The following ZFHX3 variants were observed in gnomAD, a reference collection of about 807,000 sequenced individuals.
ZFHX3 encodes the protein zinc finger homeobox 3.
ZFHX3 carries 42 observed loss-of-function variants against 279.1 expected under a neutral mutation model. The ratio of observed to expected loss-of-function variants is 0.15; its 90% CI spans 0.12 to 0.19. The LOEUF (loss-of-function observed/expected upper bound fraction) is 0.19. ZFHX3 is among the 10% of genes least tolerant of loss of function. ZFHX3 has a pLI of 1.00. For synonymous variants in ZFHX3, 2,293 were observed against 1,957.8 expected (o/e 1.17, Z -4.52); for missense variants, 4,981 against 4,754.0 (o/e 1.05, Z -1.40).
At chr16:73,070,421 A>AT (rs567579140) in intron 8 of ZFHX3, among the ~76,000 whole-genome samples, 10 of 151,458 alleles carry the variant, frequency 6.6e-5, no homozygotes, top group Non-Finnish European at 1.0e-4. Context: ...CACCTCTATT[A>AT]TTTTTTTTTA....
chr16:73,653,427 AC>A (rs1178246186), intron 2 of ZFHX3, among the ~76,000 whole-genome samples: 1 of 152,212 alleles, frequency 6.6e-6, no homozygotes, highest in Non-Finnish European at 1.5e-5. Context: ...AAATCATTAA[AC>A]AAAAATAAAA....
intron 1 of ZFHX3, among the ~76,000 whole-genome samples, chr16:73,740,838 G>C (rs567803712): frequency 6.6e-6 from 1 of 152,244 alleles, no homozygotes; most frequent in Admixed American, 6.5e-5. Flanking sequence ...GAATGCAAGA[G>C]AGTTGAAAAG....
At chr16:73,595,117 G>A (rs1259967842) in intron 2 of ZFHX3, among the ~76,000 whole-genome samples, 4 of 152,118 alleles carry the variant, frequency 2.6e-5, no homozygotes, top group Non-Finnish European at 4.4e-5. Flanking sequence ...GAGTAATGGA[G>A]CTCATTATCT....
chr16:73,004,401 T>C lies in ZFHX3; in HGVS notation c.-50+43351A>G, dbSNP rs1413838720. Among the ~76,000 whole-genome samples, 5 of 139,854 alleles carry C rather than the reference T, an allele frequency of 3.6e-5. No individual in the cohort carries two copies. The Admixed American group carries it at 4.0e-4, about 11-fold the overall frequency. 91.7% of individuals were successfully genotyped at this position (139,854 alleles called of 152,430 possible). ...TGGAGCACAGTGGTGCAATCTCGGC[T>C]CACTGCAACCTCTGCCTTTTGGTTT... On this transcript the variant is annotated intron_variant, in intron 1 of 9. Transcript: ENST00000268489.
intron 2 of ZFHX3, among the ~76,000 whole-genome samples, chr16:73,635,295 T>C (rs1233204157): frequency 6.6e-6 from 1 of 152,226 alleles, no homozygotes; most frequent in Non-Finnish European, 1.5e-5. Flanking sequence ...AATTACTGCA[T>C]ACTTCACTGA....
At chr16:72,802,751 A>G (rs2036144731) in intron 7 of ZFHX3, among the ~76,000 whole-genome samples, 1 of 152,162 alleles carries the variant, frequency 6.6e-6, no homozygotes, top group African/African-American at 2.4e-5. Context: ...CAGTTCTCAG[A>G]CACTAACGTT....
chr16:72,909,005 T>G (rs1858803), intron 3 of ZFHX3, among the ~76,000 whole-genome samples: 23,992 of 152,164 alleles, frequency 0.16, 2,335 homozygotes, highest in Non-Finnish European at 0.22. Context: ...TGACTAGCAG[T>G]ACATTAGCGA....
chr16:73,789,293 G>A (rs1405276124), intron 1 of ZFHX3, among the ~76,000 whole-genome samples: 1 of 151,882 alleles, frequency 6.6e-6, no homozygotes, highest in South Asian at 2.1e-4. Flanking sequence ...CGATTCTCCT[G>A]CCTCAGCCTC....
chr16:73,710,548 C>T (rs969639736), intron 1 of ZFHX3, among the ~76,000 whole-genome samples: 1 of 152,202 alleles, frequency 6.6e-6, no homozygotes, highest in Non-Finnish European at 1.5e-5. Context: ...TACCCCTTCC[C>T]TAAAATAAAA....
At chr16:73,734,167 T>C (rs1212576554) in intron 1 of ZFHX3, among the ~76,000 whole-genome samples, 1 of 152,160 alleles carries the variant, frequency 6.6e-6, no homozygotes, top group African/African-American at 2.4e-5. Context: ...CAGGTGGTAA[T>C]GCTGGCTGGC....
intron 2 of ZFHX3, among the ~76,000 whole-genome samples, chr16:73,529,317 A>G (rs2019751483): frequency 6.6e-6 from 1 of 152,212 alleles, no homozygotes; most frequent in East Asian, 1.9e-4. Context: ...CCTCTATAAG[A>G]AAGGACAAGA....
intron 1 of ZFHX3, among the ~76,000 whole-genome samples, chr16:73,773,871 C>T (rs190809527): frequency 4.6e-5 from 7 of 152,252 alleles, no homozygotes; most frequent in Non-Finnish European, 8.8e-5. Context: ...GATGCAGTGG[C>T]TCATGCCTGT....
chr16:73,725,340 A>AG (rs1479410357), intron 1 of ZFHX3, among the ~76,000 whole-genome samples: 31 of 152,202 alleles, frequency 2.0e-4, no homozygotes, highest in African/African-American at 7.5e-4. Context: ...TTGAGGCAGC[A>AG]GGGAGGGAGA....
chr16:73,566,990 C>T (rs926552599), intron 2 of ZFHX3, among the ~76,000 whole-genome samples: 4 of 152,104 alleles, frequency 2.6e-5, no homozygotes, highest in African/African-American at 7.2e-5. Context: ...CGAGCCACTG[C>T]ACCCAGCCAA....
intron 3 of ZFHX3, among the ~76,000 whole-genome samples, chr16:73,324,187 T>G (rs1248240422): frequency 6.6e-6 from 1 of 152,194 alleles, no homozygotes; most frequent in Non-Finnish European, 1.5e-5. Context: ...CTGAGTCAGA[T>G]AGGAGGCTTG....
In ZFHX3 at chr16:72,788,781, G is replaced by C. The variant is rs1397411672; in HGVS notation, c.9495C>G (p.Pro3165=). ...ACGGTTTATTTGGTAATCCAGAAGT[G>C]GGGAGGCCAGGGGAAGGAACAGTTG... ...PSTTVPSPGL[P]TSGLPNKPSS... The change falls in exon 10 of 10, where the codon CCC becomes CCG. Residue 3165 remains proline (P), a synonymous_variant. Transcript: ENST00000268489. The C allele has an allele frequency of 5.8e-6, 9 of 1,548,612 alleles. No homozygotes were observed. Among genetic ancestry groups the C allele is most frequent in the Non-Finnish European group, 7.8e-6 (9 of 1,150,380 alleles).
chr16:73,188,074 G>T (rs901686448), intron 5 of ZFHX3, among the ~76,000 whole-genome samples: 2 of 152,174 alleles, frequency 1.3e-5, no homozygotes, highest in Admixed American at 1.3e-4. Context: ...TGTTAGCCAG[G>T]ATGGTCTTGA....
At chr16:72,856,931 A>G (rs1352717028) in intron 4 of ZFHX3, among the ~76,000 whole-genome samples, 4 of 152,184 alleles carry the variant, frequency 2.6e-5, no homozygotes, top group African/African-American at 9.7e-5. Flanking sequence ...AGACCTCAAA[A>G]AGCAAGGCCA....
At chr16:73,461,001 C>T (rs1304441382) in intron 2 of ZFHX3, among the ~76,000 whole-genome samples, 14 of 152,186 alleles carry the variant, frequency 9.2e-5, no homozygotes, top group Admixed American at 9.2e-4. Flanking sequence ...TATAAATTAC[C>T]TAGTCTCAGG....
Sources: allele counts gnomAD v4.1 joint callset (sites outside exome capture counted in the v4.1 genomes callset), GRCh38; gene constraint gnomAD v4.1.1; transcripts MANE v1.5; gene names NCBI Gene and HGNC (gene_info 2026-07-23, HGNC 2026-07-21).